The following TRAPPC9 variants were observed in gnomAD, a reference collection of about 807,000 sequenced individuals.
The protein encoded by TRAPPC9 is IKK2 binding protein.
A neutral mutation model predicts 124.0 loss-of-function variants in TRAPPC9; 83 were observed. The observed-to-expected ratio is 0.67, with a 90% CI of 0.56 to 0.80. The LOEUF is 0.80. Ranked by LOEUF, TRAPPC9 falls within the 30% of genes least tolerant of loss-of-function variation. TRAPPC9 has a pLI of 0.00. For missense variants in TRAPPC9, 1,302 were observed against 1,508.3 expected, an observed-to-expected ratio of 0.86 and a Z score of 2.27; for synonymous variants, 638 against 617.5, an observed-to-expected ratio of 1.03 and a Z score of -0.49.
intron 19 of TRAPPC9, among the ~76,000 whole-genome samples, chr8:139,927,552 G>A (rs1244287515): frequency 6.6e-6 from 1 of 152,104 alleles, no homozygotes; most frequent in African/African-American, 2.4e-5. Flanking sequence ...GACCTGGTCT[G>A]GTAGTTTCTT....
At chr8:139,967,867 G>A (rs1436044170) in intron 19 of TRAPPC9, among the ~76,000 whole-genome samples, 5 of 152,268 alleles carry the variant, frequency 3.3e-5, no homozygotes, top group Non-Finnish European at 5.9e-5. Flanking sequence ...GGCCGGGCGC[G>A]GTGGCTCACA....
intron 17 of TRAPPC9, among the ~76,000 whole-genome samples, chr8:140,133,887 G>GAA (rs921321404): frequency 2.7e-5 from 4 of 146,238 alleles, no homozygotes; most frequent in African/African-American, 1.0e-4. Context: ...AACATTGCTT[G>GAA]AAAAAAAAAA....
intron 20 of TRAPPC9, among the ~76,000 whole-genome samples, chr8:139,890,769 C>T (rs1204447648): frequency 6.6e-6 from 1 of 151,918 alleles, no homozygotes; most frequent in Non-Finnish European, 1.5e-5. Flanking sequence ...GTGGGTGCAG[C>T]ACACCAGCAT....
chr8:140,248,385 C>T (rs1270898419), intron 16 of TRAPPC9, among the ~76,000 whole-genome samples: 2 of 152,234 alleles, frequency 1.3e-5, no homozygotes, highest in African/African-American at 4.8e-5. Flanking sequence ...ATTTCAGCTG[C>T]TGTTCTCAAC....
chr8:140,069,107 C>T (rs1223245204), intron 17 of TRAPPC9, among the ~76,000 whole-genome samples: 1 of 152,194 alleles, frequency 6.6e-6, no homozygotes, highest in Non-Finnish European at 1.5e-5. Flanking sequence ...GGGAGCTGTC[C>T]CGATCCCCTC....
chr8:139,998,355 C>T (rs1417331433), intron 18 of TRAPPC9, among the ~76,000 whole-genome samples: 3 of 152,130 alleles, frequency 2.0e-5, no homozygotes, highest in Non-Finnish European at 4.4e-5. Flanking sequence ...GAAACTTGAA[C>T]ACGAAGCAAA....
chr8:139,988,259 T>C (rs1251442479), intron 19 of TRAPPC9, among the ~76,000 whole-genome samples: 1 of 151,882 alleles, frequency 6.6e-6, no homozygotes, highest in Admixed American at 6.6e-5. Context: ...ATAACAGGCA[T>C]GCACCACCAT....
At chr8:140,221,341 CA>C in intron 17 of TRAPPC9, 117 bp downstream of exon 17, 1 of 1,445,658 alleles carries the variant, frequency 6.9e-7, no homozygotes, top group Non-Finnish European at 9.6e-7. Context: ...ACCAAGAATC[CA>C]GCTTTCAAAT....
At chr8:140,208,376 G>A (rs2062977304) in intron 17 of TRAPPC9, among the ~76,000 whole-genome samples, 1 of 152,148 alleles carries the variant, frequency 6.6e-6, no homozygotes, top group East Asian at 1.9e-4. Context: ...CATCTCTTAA[G>A]GTGGTGGTCC....
intron 18 of TRAPPC9, among the ~76,000 whole-genome samples, chr8:139,997,969 C>G (rs545980787): frequency 6.8e-6 from 1 of 147,382 alleles, no homozygotes; most frequent in East Asian, 2.0e-4. Flanking sequence ...GCATCCTACA[C>G]AGGGGAGACA....
At chr8:140,453,884 T>C (rs2071556885) in intron 1 of TRAPPC9, among the ~76,000 whole-genome samples, 2 of 152,234 alleles carry the variant, frequency 1.3e-5, no homozygotes, top group African/African-American at 4.8e-5. Context: ...GGAGCGCTCA[T>C]GTTTCTCAAA....
intron 14 of TRAPPC9, among the ~76,000 whole-genome samples, chr8:140,281,876 C>G (rs144328460): frequency 1.3e-5 from 2 of 152,338 alleles, no homozygotes; most frequent in East Asian, 1.9e-4. Context: ...CCTCCTCCCT[C>G]CCATCGAGCC....
At chr8:140,235,161 T>C (rs2131395538) in intron 16 of TRAPPC9, among the ~76,000 whole-genome samples, 1 of 152,180 alleles carries the variant, frequency 6.6e-6, no homozygotes, top group African/African-American at 2.4e-5. Context: ...TTAGTAGAGA[T>C]AGGGTTTCAC....
chr8:140,280,347 T>A (rs2065270355), intron 14 of TRAPPC9, among the ~76,000 whole-genome samples: 1 of 152,200 alleles, frequency 6.6e-6, no homozygotes, highest in African/African-American at 2.4e-5. Context: ...AGGTATAAAA[T>A]CCACCTAGCT....
At chr8:140,194,815 C>T (rs1468685119) in intron 17 of TRAPPC9, among the ~76,000 whole-genome samples, 5 of 151,064 alleles carry the variant, frequency 3.3e-5, no homozygotes, top group Non-Finnish European at 7.4e-5. Context: ...CACTCAACAA[C>T]CTATCGTACA....
chr8:139,781,503 C>T (rs1821812372), intron 21 of TRAPPC9, among the ~76,000 whole-genome samples: 1 of 152,172 alleles, frequency 6.6e-6, no homozygotes, highest in East Asian at 1.9e-4. Context: ...GAATAGAGGA[C>T]ATTTAGGGCA....
chr8:140,360,144 C>A lies in TRAPPC9; in HGVS notation c.1401G>T (p.Leu467Phe). ...AAVQMRLLHE[L>F]VYASRRMGNP... is the part of the protein sequence containing the mutation. ...TCCCCATCCTTCGGGAGGCGTAGAC[C>A]AATTCATGGAGCAAACGCATCTGGA... The change falls in exon 9 of 23, where the codon TTG (leucine) becomes TTT (phenylalanine). Residue 467 changes from leucine to phenylalanine, a missense_variant. By Grantham distance (22) the Leu-to-Phe change is conservative. This residue lies in a region of TRAPPC9 where 657 missense variants were observed against 811.2 expected (regional missense o/e 0.81). Transcript: ENST00000438773. 6.2e-7 allele frequency: 1 copy of A among 1,614,198 alleles called. No homozygotes were observed. Among genetic ancestry groups the A allele is most frequent in the Non-Finnish European group, 8.5e-7 (1 of 1,180,042 alleles).
At chr8:139,928,997 G>A (rs896753200) in intron 19 of TRAPPC9, among the ~76,000 whole-genome samples, 2 of 152,020 alleles carry the variant, frequency 1.3e-5, no homozygotes, top group African/African-American at 4.8e-5. Flanking sequence ...CGTGTGCGTG[G>A]GCGCGGGAGG....
At chr8:140,065,466 G>A (rs1350561378) in intron 17 of TRAPPC9, among the ~76,000 whole-genome samples, 1 of 152,262 alleles carries the variant, frequency 6.6e-6, no homozygotes, top group African/African-American at 2.4e-5. Flanking sequence ...TTCATAGCTG[G>A]AGGGCAGAAG....
Sources: gnomAD v4.1 joint callset for allele counts (sites outside exome capture counted in the v4.1 genomes callset) on GRCh38, gnomAD v4.1.1 for gene constraint, gnomAD v4.1.1 regional missense constraint, MANE v1.5 for transcripts, NCBI Gene and HGNC (gene_info 2026-07-23, HGNC 2026-07-21) for gene names.